The following COL28A1 variants were observed in gnomAD, a reference collection of about 807,000 sequenced individuals.
COL28A1 encodes the protein collagen type XXVIII alpha 1 chain, also known as collagen alpha-1(XXVIII) chain.
Under a neutral mutation model 150.2 loss-of-function variants are expected in COL28A1, and 161 were observed. The observed-to-expected ratio is 1.07, with a 90% CI of 0.94 to 1.22. The LOEUF is 1.22. Among genes scored for constraint, COL28A1 ranks in the 50% most tolerant of loss-of-function variants. COL28A1 has a pLI of 0.00. For missense variants in COL28A1, 1,617 were observed against 1,388.3 expected, an observed-to-expected ratio of 1.16 and a Z score of -2.62; for synonymous variants, 552 against 469.7, an observed-to-expected ratio of 1.18 and a Z score of -2.26.
chr7:7,496,129 T>C (rs1780196100), intron 11 of COL28A1, among the ~76,000 whole-genome samples: 1 of 152,386 alleles, frequency 6.6e-6, no homozygotes, highest in South Asian at 2.1e-4. Flanking sequence ...TCTGATAAGA[T>C]GAAATCACTA....
chr7:7,416,948 A>G (rs1263945186), intron 27 of COL28A1, among the ~76,000 whole-genome samples: 1 of 152,200 alleles, frequency 6.6e-6, no homozygotes, highest in Admixed American at 6.5e-5. Context: ...ATCAATCTCA[A>G]TCATCCAGAG....
At chr7:7,341,628 A>C in the COL28A1 span, among the ~76,000 whole-genome samples, 1 of 152,126 alleles carries the variant, frequency 6.6e-6, no homozygotes, top group South Asian at 2.1e-4. Context: ...CACTTAAACT[A>C]TCCTTTTAAG....
intron 27 of COL28A1, among the ~76,000 whole-genome samples, chr7:7,413,850 T>C (rs985545286): frequency 6.6e-6 from 1 of 152,176 alleles, no homozygotes; most frequent in African/African-American, 2.4e-5. Flanking sequence ...ATTCTCTCAA[T>C]GAATAAAGCA....
chr7:7,502,922 C>T (rs1780615096), intron 11 of COL28A1, among the ~76,000 whole-genome samples: 1 of 46,724 alleles, frequency 2.1e-5, no homozygotes, highest in Non-Finnish European at 3.5e-5. Context: ...TGGTCTCGAT[C>T]TCCTGACCTC....
intron 23 of COL28A1, among the ~76,000 whole-genome samples, chr7:7,434,014 C>T (rs1189676713): frequency 2.0e-5 from 3 of 152,154 alleles, no homozygotes; most frequent in Non-Finnish European, 4.4e-5. Flanking sequence ...CTCAACTATA[C>T]TCCAATAAAT....
chr7:7,479,348 A>C (rs555281620), intron 13 of COL28A1, among the ~76,000 whole-genome samples: 2 of 152,234 alleles, frequency 1.3e-5, no homozygotes, highest in Non-Finnish European at 2.9e-5. Context: ...CACTGTTCTC[A>C]AAGTAGAAGA....
chr7:7,516,165 T>C (rs1363698284), intron 7 of COL28A1, among the ~76,000 whole-genome samples: 1 of 152,248 alleles, frequency 6.6e-6, no homozygotes, highest in African/African-American at 2.4e-5. Flanking sequence ...TGGCCTATAA[T>C]GGTCCCTTCA....
At chr7:7,516,373 A>T (rs1435015615) in intron 7 of COL28A1, among the ~76,000 whole-genome samples, 1 of 152,234 alleles carries the variant, frequency 6.6e-6, no homozygotes, top group Non-Finnish European at 1.5e-5. Flanking sequence ...TTCCTTTATC[A>T]GCCCTAATGC....
At chr7:7,363,507 A>G (rs977803718) in intron 33 of COL28A1, among the ~76,000 whole-genome samples, 1 of 152,184 alleles carries the variant, frequency 6.6e-6, no homozygotes, top group South Asian at 2.1e-4. Context: ...TGCTATTTTT[A>G]TAATTTCCTT....
intron 27 of COL28A1, among the ~76,000 whole-genome samples, chr7:7,388,471 G>T (rs1297535577): frequency 6.6e-6 from 1 of 152,094 alleles, no homozygotes; most frequent in African/African-American, 2.4e-5. Flanking sequence ...CGATAAACAT[G>T]TGGGTGCATG....
At chr7:7,401,429 C>G (rs1783201189) in intron 27 of COL28A1, among the ~76,000 whole-genome samples, 1 of 152,126 alleles carries the variant, frequency 6.6e-6, no homozygotes, top group Non-Finnish European at 1.5e-5. Flanking sequence ...CTCGGCAGGT[C>G]CATTTAAAGA....
At chr7:7,474,705 C>T (rs751555242) in intron 14 of COL28A1, 36 bp from the exon 15 acceptor site, 2 of 901,554 alleles carry the variant, frequency 2.2e-6, no homozygotes, top group Non-Finnish European at 3.7e-6. Flanking sequence ...ATGCACCAAC[C>T]AAAATCTGAA....
At chr7:7,385,826 T>G (rs2128291494) in intron 27 of COL28A1, among the ~76,000 whole-genome samples, 1 of 152,326 alleles carries the variant, frequency 6.6e-6, no homozygotes, top group African/African-American at 2.4e-5. Context: ...GGCAATTCAT[T>G]TTCTTTTTAA....
At chr7:7,462,757 G>A (rs902657146) in intron 15 of COL28A1, among the ~76,000 whole-genome samples, 4 of 152,048 alleles carry the variant, frequency 2.6e-5, no homozygotes, top group Non-Finnish European at 5.9e-5. Context: ...TACTGGGGAT[G>A]CTGTGGCAGG....
chr7:7,502,035 C>G (rs1229167202), intron 11 of COL28A1, among the ~76,000 whole-genome samples: 1 of 152,154 alleles, frequency 6.6e-6, no homozygotes. Context: ...GCTGGGATCA[C>G]AGGCGCCCGC....
At chr7:7,424,341 C>T (rs1041694669) in intron 25 of COL28A1, among the ~76,000 whole-genome samples, 1 of 152,138 alleles carries the variant, frequency 6.6e-6, no homozygotes, top group African/African-American at 2.4e-5. Context: ...CCATGTTAGG[C>T]CACCACACCT....
At chr7:7,417,644 C>A in intron 27 of COL28A1, 1 of 550,454 alleles carries the variant, frequency 1.8e-6, no homozygotes, top group Non-Finnish European at 3.2e-6. Flanking sequence ...CACTTTTGCA[C>A]CAAGCAATTT....
chr7:7,393,680 G>A (rs935242227), intron 27 of COL28A1, among the ~76,000 whole-genome samples: 1 of 152,200 alleles, frequency 6.6e-6, no homozygotes, highest in African/African-American at 2.4e-5. Context: ...GAGGCAGTCA[G>A]GCTACAGCGG....
chr7:7,353,651 T>C (rs1361415629), downstream of COL28A1, among the ~76,000 whole-genome samples: 4 of 152,142 alleles, frequency 2.6e-5, no homozygotes, highest in Non-Finnish European at 5.9e-5. Flanking sequence ...CAGGTTGTCC[T>C]TGCAGTATTA....
Sources: allele counts gnomAD v4.1 joint callset (sites outside exome capture counted in the v4.1 genomes callset), GRCh38; gene constraint gnomAD v4.1.1; transcripts MANE v1.5; gene names NCBI Gene and HGNC (gene_info 2026-07-23, HGNC 2026-07-21).